The following FGFR1 variants were observed in gnomAD, a reference collection of about 807,000 sequenced individuals.
FGFR1 encodes FGFR1/PLAG1 fusion.
FGFR1 carries 18 observed loss-of-function variants against 93.7 expected under a neutral mutation model. The observed-to-expected ratio is 0.19, with a 90% CI of 0.13 to 0.28. The LOEUF (loss-of-function observed/expected upper bound fraction) is 0.28, where lower values mean the gene tolerates loss of function less well. FGFR1 is among the 10% of genes least tolerant of loss of function. The pLI, the probability that FGFR1 is intolerant of heterozygous loss-of-function variation, is 1.00. For synonymous variants in FGFR1, 448 were observed against 429.3 expected, an observed-to-expected ratio of 1.04 and a Z score of -0.54; for missense variants, 731 against 1,080.4, an observed-to-expected ratio of 0.68 and a Z score of 4.53.
At chr8:38,458,044 T>C (rs1383126306) in intron 1 of FGFR1, among the ~76,000 whole-genome samples, 1 of 152,182 alleles carries the variant, frequency 6.6e-6, no homozygotes, top group Non-Finnish European at 1.5e-5. Context: ...TCTACAGCTA[T>C]GTTTTGAGTG....
intron 1 of FGFR1, among the ~76,000 whole-genome samples, chr8:38,467,507 G>A (rs559984647): frequency 6.6e-6 from 1 of 152,234 alleles, no homozygotes; most frequent in East Asian, 1.9e-4. Context: ...TGAATTGGGG[G>A]TGAATCCCCA....
chr8:38,420,040 C>T (rs980677164), intron 8 of FGFR1: 3 of 413,466 alleles, frequency 7.3e-6, no homozygotes, highest in East Asian at 9.2e-5. Context: ...GAGGTACAGG[C>T]ACCCAGGGAT....
At position 38,415,957 on chromosome 8, in the gene FGFR1, G is replaced by T. The variant is rs1484524877; in HGVS notation, c.1767C>A (p.His589Gln). The change falls in exon 13 of 18, where the codon CAC (histidine) becomes CAA (glutamine). Residue 589 changes from histidine to glutamine, a missense_variant. By Grantham distance (24) the His-to-Gln change is conservative (BLOSUM62 0). Coordinates refer to ENST00000447712, the MANE Select transcript of FGFR1 (RefSeq NM_023110.3). ...TGGAGGAGAGCTGCTCCTCTGGGTT[G>T]TGGCTGGGGTTGTAGCAGTATTCCA... ...PGLEYCYNPS[H>Q]NPEEQLSSKD... is the part of the protein sequence containing the mutation. The T allele has an allele frequency of 1.1e-5, 18 of 1,614,024 alleles. No homozygotes were observed. The South Asian group carries it at 1.9e-4, about 17-fold the overall frequency.
intron 2 of FGFR1, chr8:38,434,479 TG>T: frequency 5.0e-6 from 2 of 402,828 alleles, no homozygotes; most frequent in South Asian, 2.6e-5. Flanking sequence ...TGCAAGTCAG[TG>T]GGTAGCTTGT....
At position 38,421,690 on chromosome 8, in the gene FGFR1, A is replaced by C. The variant is rs746681188; in HGVS notation, c.1081+107T>G. On this transcript the variant is annotated intron_variant, in intron 8 of 17. Coordinates refer to ENST00000447712, the MANE Select transcript of FGFR1 (RefSeq NM_023110.3). ...TGTGGCACCAGGCAGGCAGGAGCCC[A>C]TTCTTCCAGCTCTCCTGCCTCTGTG... 4.9e-6 allele frequency: 6 copies of C among 1,216,740 alleles called. No homozygotes were observed. The East Asian group carries it at 1.2e-4, about 24-fold the overall frequency. 75.4% of individuals were successfully genotyped at this position (1,216,740 alleles called of 1,614,324 possible). A position where few individuals can be genotyped will look rare whatever the true frequency, so the allele number is the denominator to read the frequency against.
In FGFR1 at chr8:38,424,863, C is replaced by T. The variant is rs1224983055; in HGVS notation, c.746-164G>A. ...CAAAACAGAGCTGGGGAAAGGGACA[C>T]CCTCTCTTCAGGCCCTAAGCCATCA... On this transcript the variant is annotated intron_variant, in intron 6 of 17. Coordinates refer to ENST00000447712, the MANE Select transcript of FGFR1 (RefSeq NM_023110.3). This position sits in a 1 kb window ranked among gnomAD's most constrained non-coding sequence, Gnocchi z 4.3. Among the ~76,000 whole-genome samples, 1 of 152,224 alleles carries T rather than the reference C, an allele frequency of 6.6e-6. No homozygotes were observed. The highest frequency in any genetic ancestry group is 1.5e-5 in the Non-Finnish European group (1 of 68,050).
rs1277867110 is a variant in FGFR1, at chr8:38,412,420, C to G, written c.*1208G>C. On this transcript the variant is annotated 3_prime_UTR_variant, in exon 18 of 18. Coordinates refer to ENST00000447712, the MANE Select transcript of FGFR1 (RefSeq NM_023110.3). Reference sequence around the variant, plus strand: ...AGGTGCCCCCTCCCCAGCCCAACCCCACCGGTTTCCTTGGAGGAAACCATC... The same window carrying G: ...AGGTGCCCCCTCCCCAGCCCAACCCGACCGGTTTCCTTGGAGGAAACCATC... 2 of 232,918 alleles carry G rather than the reference C, an allele frequency of 8.6e-6. No individual in the cohort carries two copies. Among genetic ancestry groups the G allele is most frequent in the Non-Finnish European group, 1.7e-5 (2 of 117,898 alleles). The allele number at this position is 232,918 out of a possible 1,614,324, so 14.4% of individuals were successfully genotyped here.
intron 9 of FGFR1, 151 bp downstream of exon 9, chr8:38,419,382 A>AT (rs879906774): frequency 2.2e-4 from 165 of 749,860 alleles, no homozygotes; most frequent in Admixed American, 5.6e-4. Context: ...AACAGACTCT[A>AT]GAGCACTTAG....
intron 3 of FGFR1, 82 bp from the exon 4 acceptor site, chr8:38,428,517 C>A (rs185739633): frequency 9.4e-7 from 1 of 1,058,308 alleles, no homozygotes; most frequent in East Asian, 2.6e-5. Context: ...CAGATGAACA[C>A]GGACACCCTC....
intron 2 of FGFR1, chr8:38,430,165 C>T (rs1822452411): frequency 3.5e-6 from 2 of 578,930 alleles, no homozygotes; most frequent in Non-Finnish European, 6.1e-6. Context: ...ATCTCTTTTC[C>T]ACCCCACTCC....
chr8:38,430,234 G>GATCA (rs10678546), intron 2 of FGFR1: 11 of 453,226 alleles, frequency 2.4e-5, no homozygotes, highest in South Asian at 2.0e-4. Flanking sequence ...AGCATTAAGC[G>GATCA]CATTTCATTT....
chr8:38,462,364 T>C (rs1834585395), intron 1 of FGFR1, among the ~76,000 whole-genome samples: 1 of 151,786 alleles, frequency 6.6e-6, no homozygotes, highest in Non-Finnish European at 1.5e-5. Flanking sequence ...ATTAGCTGCG[T>C]GCAGTGGCGC....
At chr8:38,466,581 G>A (rs1317179059) in intron 1 of FGFR1, 1 of 230,312 alleles carries the variant, frequency 4.3e-6, no homozygotes, top group Non-Finnish European at 8.6e-6. Context: ...TAAATAACTC[G>A]GGATCCAAGG....
chr8:38,438,721 G>A (rs1048870731), intron 2 of FGFR1, among the ~76,000 whole-genome samples: 4 of 151,954 alleles, frequency 2.6e-5, no homozygotes, highest in African/African-American at 9.7e-5. Context: ...CAGCTTTACC[G>A]CTGTGCAAGG....
intron 2 of FGFR1, among the ~76,000 whole-genome samples, chr8:38,444,501 A>G (rs937922955): frequency 7.7e-6 from 1 of 129,768 alleles, no homozygotes; most frequent in East Asian, 2.3e-4. Flanking sequence ...TGATCCCCCC[A>G]CCTCAGCCCC....
intron 2 of FGFR1, among the ~76,000 whole-genome samples, chr8:38,455,787 C>G (rs942682093): frequency 1.3e-5 from 2 of 152,192 alleles, no homozygotes; most frequent in Non-Finnish European, 2.9e-5. Flanking sequence ...TCAAGCCCAT[C>G]TCAGGTGCTC....
rs760270008 is a variant in FGFR1 at position 38,413,611 on chromosome 8, G to C, written c.*17C>G. ...TACAGCTGACGGTGGAGTCTGGGGA[G>C]GGCGTGTGGGTGGCAGTCAGCGGCG... On this transcript the variant is annotated 3_prime_UTR_variant, in exon 18 of 18. Transcript: ENST00000447712. The surrounding 1 kb of genome is among the most constrained non-coding windows in gnomAD (Gnocchi z 4.2). 36 of 1,597,846 alleles carry C rather than the reference G, an allele frequency of 2.3e-5. No homozygotes were observed. The South Asian group carries it at 3.3e-4, about 15-fold the overall frequency.
chr8:38,412,320 G>A lies in FGFR1; in HGVS notation c.*1308C>T. On this transcript the variant is annotated 3_prime_UTR_variant, in exon 18 of 18. Coordinates refer to ENST00000447712, the MANE Select transcript of FGFR1 (RefSeq NM_023110.3). Reference sequence around the variant, plus strand: ...CCACCTCGGTGTCCCAAAGTGCTGGGATTACAGGCGTGAGCAACCGCGCCC... The same window carrying A: ...CCACCTCGGTGTCCCAAAGTGCTGGAATTACAGGCGTGAGCAACCGCGCCC... The A allele has an allele frequency of 4.4e-6, 1 of 229,056 alleles. No individual in the cohort carries two copies. Among genetic ancestry groups the A allele is most frequent in the Non-Finnish European group, 8.7e-6 (1 of 115,368 alleles). 14.2% of individuals were successfully genotyped at this position (229,056 alleles called of 1,614,324 possible).
intron 2 of FGFR1, among the ~76,000 whole-genome samples, chr8:38,453,140 G>A (rs1332882782): frequency 6.6e-6 from 1 of 152,154 alleles, no homozygotes; most frequent in Non-Finnish European, 1.5e-5. Context: ...TCTCTGTTCT[G>A]TCACAAAGCT....
Sources: gnomAD v4.1 joint callset for allele counts (sites outside exome capture counted in the v4.1 genomes callset) on GRCh38, gnomAD v4.1.1 for gene constraint, Gnocchi (gnomAD v3.1) non-coding constraint, MANE v1.5 for transcripts, NCBI Gene and HGNC (gene_info 2026-07-23, HGNC 2026-07-21) for gene names.